Variants in DPYD observed in about 807,000 individuals in gnomAD.
DPYD encodes the protein dihydropyrimidine dehydrogenase.
A neutral mutation model predicts 116.2 loss-of-function variants in DPYD; 109 were observed. The ratio of observed to expected loss-of-function variants is 0.94; its 90% CI spans 0.80 to 1.10. DPYD has a LOEUF of 1.10. DPYD is among the 50% of genes least tolerant of loss of function. The pLI, the probability that DPYD is intolerant of heterozygous loss-of-function variation, is 0.00. For synonymous variants in DPYD, 440 were observed against 432.0 expected (o/e 1.02, Z -0.23); for missense variants, 1,302 against 1,254.5 (o/e 1.04, Z -0.57).
chr1:97,843,918 T>A (rs1670163718), intron 2 of DPYD, among the ~76,000 whole-genome samples: 1 of 152,200 alleles, frequency 6.6e-6, no homozygotes, highest in South Asian at 2.1e-4. Flanking sequence ...ATACTTCAAA[T>A]GTTTACATTT....
chr1:97,797,303 C>A (rs1170023636), intron 3 of DPYD: 1 of 152,030 alleles, frequency 6.6e-6, no homozygotes, highest in Non-Finnish European at 1.5e-5. Context: ...GAGGTATAAA[C>A]AAAGATACCA....
At chr1:97,864,274 G>A (rs1285631823) in intron 2 of DPYD, among the ~76,000 whole-genome samples, 4 of 151,884 alleles carry the variant, frequency 2.6e-5, no homozygotes, top group Admixed American at 6.6e-5. Context: ...AAGCAGAAGC[G>A]GGCAGAGTGG....
intron 2 of DPYD, among the ~76,000 whole-genome samples, chr1:97,846,594 A>G (rs1402932128): frequency 4.6e-5 from 7 of 152,186 alleles, no homozygotes; most frequent in Admixed American, 6.5e-5. Flanking sequence ...AGAACTGGAG[A>G]ATTACTTGGG....
chr1:97,108,437 T>C (rs924468669), intron 20 of DPYD, among the ~76,000 whole-genome samples: 1 of 152,150 alleles, frequency 6.6e-6, no homozygotes, highest in Non-Finnish European at 1.5e-5. Flanking sequence ...ACATTGTCTG[T>C]GAATGAAACA....
intron 4 of DPYD, 87 bp from the exon 5 acceptor site, chr1:97,721,758 G>T: frequency 7.8e-7 from 1 of 1,280,930 alleles, no homozygotes; most frequent in East Asian, 2.5e-5. Flanking sequence ...TCTTCTACTA[G>T]GTAATCAGAT....
At chr1:97,317,300 C>T (rs1221341371) in intron 16 of DPYD, among the ~76,000 whole-genome samples, 2 of 151,922 alleles carry the variant, frequency 1.3e-5, no homozygotes, top group African/African-American at 4.8e-5. Context: ...TTTCCTGATA[C>T]CACCAGTAGG....
At chr1:97,911,744 G>C (rs1673948342) in intron 1 of DPYD, among the ~76,000 whole-genome samples, 1 of 152,002 alleles carries the variant, frequency 6.6e-6, no homozygotes. Context: ...TGAGAAGGCT[G>C]GGATAATATA....
intron 14 of DPYD, among the ~76,000 whole-genome samples, chr1:97,439,103 T>C (rs1219311601): frequency 6.6e-6 from 1 of 152,120 alleles, no homozygotes; most frequent in Non-Finnish European, 1.5e-5. Flanking sequence ...ATTTTTAATT[T>C]CTTCAAATTT....
At chr1:97,584,931 CT>C (rs1359094909) in intron 10 of DPYD, among the ~76,000 whole-genome samples, 2 of 112,296 alleles carry the variant, frequency 1.8e-5, no homozygotes, top group African/African-American at 6.3e-5. Context: ...CACATGTACC[CT>C]AAAACTTAAA....
intron 3 of DPYD, among the ~76,000 whole-genome samples, chr1:97,774,366 C>T (rs1023252178): frequency 6.6e-6 from 1 of 152,158 alleles, no homozygotes; most frequent in Admixed American, 6.5e-5. Context: ...CCCCAGACTT[C>T]GTCTCTTGTC....
chr1:97,120,368 G>A (rs775408012), intron 20 of DPYD, among the ~76,000 whole-genome samples: 2 of 151,956 alleles, frequency 1.3e-5, no homozygotes, highest in African/African-American at 4.8e-5. Flanking sequence ...TCCTTTCAGC[G>A]CCTTTGCCAC....
Position 97,366,212 on chromosome 1 carries a change from CT to C in DPYD, c.2058+7348del, listed in dbSNP as rs1198623493. On this transcript the variant is annotated intron_variant, in intron 16 of 22. Transcript: ENST00000370192. The stretch of plus-strand genomic sequence containing the variant: ...TATCTACTTATGTAAGCACCCATGT[CT>C]ATCAAATGGCTGAGAATTAAAATCA... 2.4e-4 allele frequency among the ~76,000 whole-genome samples: 36 copies of C among 152,226 alleles called. 1 individual carries two copies. In the East Asian group the frequency reaches 6.8e-3, roughly 29 times the overall value.
intron 16 of DPYD, among the ~76,000 whole-genome samples, chr1:97,335,784 T>C (rs1669255793): frequency 6.6e-6 from 1 of 152,178 alleles, no homozygotes; most frequent in Non-Finnish European, 1.5e-5. Flanking sequence ...CAGTTGCTGC[T>C]TTACTTCAAA....
intron 1 of DPYD, among the ~76,000 whole-genome samples, chr1:97,907,762 C>G (rs1241595312): frequency 6.6e-6 from 1 of 151,870 alleles, no homozygotes; most frequent in Non-Finnish European, 1.5e-5. Flanking sequence ...CACAAATATC[C>G]CAGCTCCTTT....
intron 8 of DPYD, among the ~76,000 whole-genome samples, chr1:97,617,658 T>TGGG (rs34256325): frequency 6.6e-6 from 1 of 152,046 alleles, no homozygotes; most frequent in Non-Finnish European, 1.5e-5. Context: ...GTGGAGGGGT[T>TGGG]GGGGGTGTCT....
intron 12 of DPYD, among the ~76,000 whole-genome samples, chr1:97,524,430 C>T (rs550233867): frequency 6.6e-6 from 1 of 152,162 alleles, no homozygotes; most frequent in South Asian, 2.1e-4. Flanking sequence ...TGATTATTAT[C>T]GCCATAAACT....
intron 20 of DPYD, among the ~76,000 whole-genome samples, chr1:97,121,227 G>A (rs1652406539): frequency 6.6e-6 from 1 of 152,062 alleles, no homozygotes; most frequent in Non-Finnish European, 1.5e-5. Context: ...GGAATCTTGT[G>A]TCAAGAAATT....
At chr1:97,853,048 C>T (rs72979734) in intron 2 of DPYD, among the ~76,000 whole-genome samples, 2,559 of 152,232 alleles carry the variant, frequency 0.017, 74 homozygotes, top group African/African-American at 0.058. Context: ...AATGGTTGCA[C>T]AGAAGGGCAT....
intron 2 of DPYD, among the ~76,000 whole-genome samples, chr1:97,871,837 C>T (rs1419538340): frequency 6.6e-6 from 1 of 151,736 alleles, no homozygotes; most frequent in Non-Finnish European, 1.5e-5. Flanking sequence ...GATGTGCTTC[C>T]ATATGTAGTA....
Sources: allele counts gnomAD v4.1 joint callset (sites outside exome capture counted in the v4.1 genomes callset), GRCh38; gene constraint gnomAD v4.1.1; transcripts MANE v1.5; gene names NCBI Gene and HGNC (gene_info 2026-07-23, HGNC 2026-07-21).